The following CTNNA3 variants were observed in gnomAD, a reference collection of about 807,000 sequenced individuals.
CTNNA3 encodes catenin alpha 3.
CTNNA3 carries 76 observed loss-of-function variants against 95.7 expected under a neutral mutation model. The ratio of observed to expected loss-of-function variants is 0.79; its 90% CI spans 0.66 to 0.96. The LOEUF is 0.96. Ranked by LOEUF, CTNNA3 falls within the 40% of genes least tolerant of loss-of-function variation. The pLI, the probability that CTNNA3 is intolerant of heterozygous loss-of-function variation, is 0.00. For missense variants in CTNNA3, 1,191 were observed against 1,089.8 expected (o/e 1.09, Z -1.31); for synonymous variants, 431 against 374.4 (o/e 1.15, Z -1.74).
chr10:66,096,156 A>G (rs2081378149), intron 14 of CTNNA3, among the ~76,000 whole-genome samples: 1 of 152,196 alleles, frequency 6.6e-6, no homozygotes, highest in African/African-American at 2.4e-5. Flanking sequence ...AGATTCAAAT[A>G]TCCTTAAATA....
chr10:66,110,631 T>G (rs1467659840), intron 13 of CTNNA3, among the ~76,000 whole-genome samples: 1 of 152,222 alleles, frequency 6.6e-6, no homozygotes, highest in African/African-American at 2.4e-5. Context: ...CTGCTGATCT[T>G]GTTTTTATCT....
chr10:66,032,781 A>G (rs889445630), intron 15 of CTNNA3, among the ~76,000 whole-genome samples: 1 of 152,240 alleles, frequency 6.6e-6, no homozygotes, highest in Non-Finnish European at 1.5e-5. Flanking sequence ...AGATACTATT[A>G]ATAATACATT....
chr10:66,956,141 A>G (rs1848780811), intron 7 of CTNNA3, among the ~76,000 whole-genome samples: 1 of 151,896 alleles, frequency 6.6e-6, no homozygotes, highest in Admixed American at 6.6e-5. Context: ...GTTAGCCTTC[A>G]TATTTCCTAC....
chr10:65,931,405 A>G (rs1564522844), intron 17 of CTNNA3, among the ~76,000 whole-genome samples: 1 of 152,248 alleles, frequency 6.6e-6, no homozygotes, highest in Non-Finnish European at 1.5e-5. Context: ...CAGCAGCAGC[A>G]TTAACTCATA....
At chr10:67,358,969 T>A (rs906109374) in intron 5 of CTNNA3, among the ~76,000 whole-genome samples, 1 of 152,018 alleles carries the variant, frequency 6.6e-6, no homozygotes, top group East Asian at 1.9e-4. Flanking sequence ...GAGACATGCA[T>A]GGCTGAGCAA....
chr10:67,479,766 CA>C (rs891693704), intron 5 of CTNNA3, among the ~76,000 whole-genome samples: 1 of 151,820 alleles, frequency 6.6e-6, no homozygotes. Flanking sequence ...ATTGAAACCC[CA>C]AAATACATAC....
At chr10:66,095,524 A>G (rs543431565) in intron 14 of CTNNA3, among the ~76,000 whole-genome samples, 60 of 152,266 alleles carry the variant, frequency 3.9e-4, no homozygotes, top group African/African-American at 1.4e-3. Flanking sequence ...AATTTGAGTT[A>G]TTGAGAGTAT....
intron 15 of CTNNA3, among the ~76,000 whole-genome samples, chr10:66,050,218 C>T (rs1029393070): frequency 2.0e-5 from 3 of 152,002 alleles, no homozygotes; most frequent in Non-Finnish European, 4.4e-5. Flanking sequence ...ACCCTAGCTG[C>T]TCTTTTCAAC....
chr10:66,172,657 C>G (rs901959711), intron 13 of CTNNA3, among the ~76,000 whole-genome samples: 1 of 151,776 alleles, frequency 6.6e-6, no homozygotes, highest in Non-Finnish European at 1.5e-5. Context: ...GAAAGAAATA[C>G]CTGTTTTATC....
At chr10:66,632,671 C>T (rs536575888) in intron 9 of CTNNA3, among the ~76,000 whole-genome samples, 1 of 151,820 alleles carries the variant, frequency 6.6e-6, no homozygotes, top group Admixed American at 6.6e-5. Context: ...GGCCCAATTT[C>T]CTGCTCTCTA....
intron 10 of CTNNA3, among the ~76,000 whole-genome samples, chr10:66,597,256 G>A (rs1414025891): frequency 6.6e-6 from 1 of 151,538 alleles, no homozygotes; most frequent in Admixed American, 6.6e-5. Flanking sequence ...CATATTTAAA[G>A]AAATCATAAC....
intron 7 of CTNNA3, among the ~76,000 whole-genome samples, chr10:66,780,499 G>A (rs68021226): frequency 0.11 from 16,243 of 152,154 alleles, 2,028 homozygotes; most frequent in African/African-American, 0.29. Flanking sequence ...AGCAGTGACA[G>A]CTGGCTAGAT....
intron 5 of CTNNA3, among the ~76,000 whole-genome samples, chr10:67,369,330 T>G (rs952171558): frequency 6.6e-6 from 1 of 151,974 alleles, no homozygotes; most frequent in Non-Finnish European, 1.5e-5. Flanking sequence ...CCAGAAAAAA[T>G]TAAATAAGAT....
rs375682153 is a variant in CTNNA3 at position 67,003,253 on chromosome 10, G to A, written c.1047+177064C>T. On this transcript the variant is annotated intron_variant, in intron 7 of 17. Coordinates refer to ENST00000433211, the MANE Select transcript of CTNNA3 (RefSeq NM_013266.4). ...ATATTGGGGAATAAACGAAATTAAT[G>A]TCCATGACTTCCTGACCATTTTGGC... Among the ~76,000 whole-genome samples the A allele has an allele frequency of 3.3e-5, 5 of 152,246 alleles. No homozygotes were observed. In the South Asian group the frequency reaches 6.2e-4, roughly 19 times the overall value.
chr10:66,576,853 T>G (rs528355382), intron 10 of CTNNA3, among the ~76,000 whole-genome samples: 1 of 151,546 alleles, frequency 6.6e-6, no homozygotes, highest in African/African-American at 2.4e-5. Flanking sequence ...TACCCAATAG[T>G]GGAATTGTTG....
intron 7 of CTNNA3, among the ~76,000 whole-genome samples, chr10:67,046,950 A>T (rs1854790420): frequency 6.6e-6 from 1 of 152,204 alleles, no homozygotes; most frequent in Non-Finnish European, 1.5e-5. Flanking sequence ...AAGAAGAAAT[A>T]ATTACCAATT....
intron 11 of CTNNA3, among the ~76,000 whole-genome samples, chr10:66,417,867 T>C (rs554693745): frequency 6.6e-6 from 1 of 151,986 alleles, no homozygotes; most frequent in Non-Finnish European, 1.5e-5. Flanking sequence ...GCTAAAGTAG[T>C]ACTACGAGGG....
At chr10:67,755,575 A>T (rs1841428309) in intron 1 of CTNNA3, among the ~76,000 whole-genome samples, 1 of 151,928 alleles carries the variant, frequency 6.6e-6, no homozygotes, top group African/African-American at 2.4e-5. Flanking sequence ...GCTGAGGCAG[A>T]TGGATCATTT....
chr10:67,651,262 AC>A (rs1457792326), intron 1 of CTNNA3, among the ~76,000 whole-genome samples: 2 of 152,246 alleles, frequency 1.3e-5, no homozygotes, highest in Non-Finnish European at 2.9e-5. Context: ...TCACTTTTCA[AC>A]TAAAATGTTT....
Sources: gnomAD v4.1 joint callset for allele counts (sites outside exome capture counted in the v4.1 genomes callset) on GRCh38, gnomAD v4.1.1 for gene constraint, MANE v1.5 for transcripts, NCBI Gene and HGNC (gene_info 2026-07-23, HGNC 2026-07-21) for gene names.